Variants in CHIA observed in about 807,000 individuals in gnomAD.
CHIA encodes chitinase acidic, also known as acidic mammalian chitinase.
A neutral mutation model predicts 53.5 loss-of-function variants in CHIA; 47 were observed. The ratio of observed to expected loss-of-function variants is 0.88; its 90% CI spans 0.70 to 1.12. The LOEUF is 1.12. Among genes scored for constraint, CHIA ranks in the 50% most tolerant of loss-of-function variants. The pLI is 0.00. For synonymous variants in CHIA, 268 were observed against 222.2 expected, an observed-to-expected ratio of 1.21 and a Z score of -1.83; for missense variants, 652 against 592.2, an observed-to-expected ratio of 1.10 and a Z score of -1.05.
chr1:111,304,710 T>A (rs1025658128), intron 1 of CHIA, among the ~76,000 whole-genome samples: 2 of 152,202 alleles, frequency 1.3e-5, no homozygotes, highest in African/African-American at 4.8e-5. Context: ...AGTCTTTGCC[T>A]AGCATATTTG....
At chr1:111,318,787 A>G (rs1167985602) in intron 9 of CHIA, 109 bp downstream of exon 9, 14 of 1,235,164 alleles carry the variant, frequency 1.1e-5, no homozygotes, top group Non-Finnish European at 1.6e-5. Context: ...TAAATGCTTT[A>G]AACACAGCTG....
At chr1:111,303,694 G>A (rs1022668313) in intron 1 of CHIA, among the ~76,000 whole-genome samples, 1 of 152,054 alleles carries the variant, frequency 6.6e-6, no homozygotes, top group Non-Finnish European at 1.5e-5. Context: ...TATACATTGT[G>A]TGTTCCAAAA....
chr1:111,298,495 C>G (rs1449121714), intron 1 of CHIA, among the ~76,000 whole-genome samples: 4 of 152,176 alleles, frequency 2.6e-5, no homozygotes, highest in African/African-American at 9.7e-5. Flanking sequence ...TGAATGACTA[C>G]TGGGTAAATA....
At chr1:111,293,804 A>G (rs1243467852) in intron 1 of CHIA, among the ~76,000 whole-genome samples, 1 of 152,194 alleles carries the variant, frequency 6.6e-6, no homozygotes, top group Admixed American at 6.5e-5. Context: ...ATGGGGCCAG[A>G]TGTGGTGGCT....
chr1:111,303,238 A>G (rs1210629608), intron 1 of CHIA, among the ~76,000 whole-genome samples: 1 of 152,096 alleles, frequency 6.6e-6, no homozygotes. Context: ...AAGCATTAAT[A>G]TATTTATATT....
At chr1:111,300,062 C>T (rs1286061069) in intron 1 of CHIA, among the ~76,000 whole-genome samples, 1 of 152,096 alleles carries the variant, frequency 6.6e-6, no homozygotes, top group Non-Finnish European at 1.5e-5. Flanking sequence ...CTACAAAGCA[C>T]TGCTCAATGA....
chr1:111,317,258 A>T (rs1222523600), intron 6 of CHIA: 1 of 175,518 alleles, frequency 5.7e-6, no homozygotes, highest in Non-Finnish European at 1.2e-5. Flanking sequence ...CACCTTCCTT[A>T]TTGGCCAATA....
chr1:111,311,700 A>G lies in CHIA; in HGVS notation c.37A>G (p.Ile13Val), dbSNP rs781160087. 1 of 1,614,026 alleles carries G rather than the reference A, an allele frequency of 6.2e-7. No individual in the cohort carries two copies. Among genetic ancestry groups the G allele is most frequent in the Non-Finnish European group, 8.5e-7 (1 of 1,179,946 alleles). The stretch of plus-strand genomic sequence containing the variant: ...TTCTTTCTATCCAGGTCTTGTCCTT[A>G]TACTGAATTTGCAGCTCGGTAAGTC... ...KLILLTGLVL[I>V]LNLQLGSAYQ... The change falls in exon 3 of 12, where the codon ATA (isoleucine) becomes GTA (valine). Residue 13 changes from isoleucine (I) to valine (V), a missense_variant. Ile to Val is a conservative substitution (Grantham distance 29, BLOSUM62 3). Transcript: ENST00000369740.
chr1:111,306,388 C>T (rs189771820), intron 1 of CHIA, among the ~76,000 whole-genome samples: 62 of 152,036 alleles, frequency 4.1e-4, no homozygotes, highest in African/African-American at 1.4e-3. Context: ...TATGCTGGGG[C>T]AAGTAGTTAC....
At chr1:111,313,812 TG>T (rs1257680431) in intron 4 of CHIA, among the ~76,000 whole-genome samples, 4 of 152,220 alleles carry the variant, frequency 2.6e-5, no homozygotes, top group Non-Finnish European at 4.4e-5. Context: ...GAGTTGACTT[TG>T]TTCAGTTTAG....
At chr1:111,301,705 CAAAAA>C (rs35562130) in intron 1 of CHIA, among the ~76,000 whole-genome samples, 1 of 105,476 alleles carries the variant, frequency 9.5e-6, no homozygotes, top group Non-Finnish European at 1.9e-5. Flanking sequence ...ACTCTCTCTC[CAAAAA>C]AAAAAAAAAA....
At position 111,299,318 on chromosome 1, in the gene CHIA, C is replaced by T. The variant is rs551596803; in HGVS notation, c.-69+8368C>T. The stretch of plus-strand genomic sequence containing the variant: ...AATTTTAGACCAATATCCCTGATGA[C>T]CATTGATGCAAAAATCCTCAATAAA... On this transcript the variant is annotated intron_variant, in intron 1 of 11. Coordinates refer to ENST00000369740, the MANE Select transcript of CHIA (RefSeq NM_201653.4). Among the ~76,000 whole-genome samples the T allele has an allele frequency of 3.9e-5, 6 of 152,228 alleles. 1 individual carries two copies. The highest frequency in any genetic ancestry group is 2.1e-4 in the South Asian group (1 of 4,818).
intron 1 of CHIA, among the ~76,000 whole-genome samples, chr1:111,300,746 T>C (rs1194031794): frequency 6.6e-6 from 1 of 152,040 alleles, no homozygotes; most frequent in Admixed American, 6.6e-5. Context: ...CTAATTAAAC[T>C]AAAGAGCTTC....
intron 1 of CHIA, among the ~76,000 whole-genome samples, chr1:111,306,253 G>A (rs1232407611): frequency 6.6e-6 from 1 of 152,290 alleles, no homozygotes; most frequent in Non-Finnish European, 1.5e-5. Context: ...AGAAAACTAA[G>A]GCATTCCTGA....
At chr1:111,315,532 T>A in intron 6 of CHIA, 97 bp downstream of exon 6, 1 of 1,248,384 alleles carries the variant, frequency 8.0e-7, no homozygotes, top group Non-Finnish European at 1.1e-6. Context: ...AACTTGAATT[T>A]AAACTGATAG....
intron 5 of CHIA, chr1:111,314,936 G>A: frequency 2.6e-6 from 1 of 382,540 alleles, no homozygotes. Context: ...GGGGAGGAAT[G>A]AGAAAATCAC....
At chr1:111,297,361 A>G (rs1301216889) in intron 1 of CHIA, among the ~76,000 whole-genome samples, 1 of 152,258 alleles carries the variant, frequency 6.6e-6, no homozygotes, top group African/African-American at 2.4e-5. Context: ...AACCCATTGG[A>G]CTAACAGCGG....
rs557076889 is a variant in CHIA, at chr1:111,310,585, T to G, written c.25+93T>G. On this transcript the variant is annotated intron_variant, in intron 2 of 11. Transcript: ENST00000369740. ...ATCATGAAGTGGTCTTCATACTACA[T>G]CCCTATACTTTTCCATTCTTCTTTC... 11 of 1,572,164 alleles carry G rather than the reference T, an allele frequency of 7.0e-6. No individual in the cohort carries two copies. The East Asian group carries it at 2.3e-4, about 32-fold the overall frequency.
chr1:111,313,939 G>A (rs12129604), intron 4 of CHIA, among the ~76,000 whole-genome samples: 20,525 of 152,056 alleles, frequency 0.13, 1,610 homozygotes, highest in African/African-American at 0.19. Flanking sequence ...ACTCCTTTAC[G>A]GCAGTGTTTC....
Sources: allele counts gnomAD v4.1 joint callset (sites outside exome capture counted in the v4.1 genomes callset), GRCh38; gene constraint gnomAD v4.1.1; transcripts MANE v1.5; gene names NCBI Gene and HGNC (gene_info 2026-07-23, HGNC 2026-07-21).